The following FANCA variants were observed in gnomAD, a reference collection of about 807,000 sequenced individuals.
FANCA encodes FA complementation group A.
FANCA carries 236 observed loss-of-function variants against 194.3 expected under a neutral mutation model. The ratio of observed to expected loss-of-function variants is 1.21; its 90% CI spans 1.09 to 1.35. FANCA has a LOEUF of 1.35. Ranked by LOEUF, FANCA falls within the 40% of genes most tolerant of loss-of-function variation. The pLI is 0.00. For synonymous variants in FANCA, 1,014 were observed against 715.8 expected (o/e 1.42, Z -6.65); for missense variants, 2,628 against 1,813.9 (o/e 1.45, Z -8.15).
intron 26 of FANCA, 84 bp from the exon 27 acceptor site, chr16:89,767,321 T>A: frequency 1.0e-6 from 1 of 967,252 alleles, no homozygotes; most frequent in Non-Finnish European, 1.6e-6. Flanking sequence ...TTCATAAAAC[T>A]GAATTTAGTG....
At chr16:89,740,924 A>C in intron 37 of FANCA, 58 bp from the exon 38 acceptor site, 1 of 1,449,382 alleles carries the variant, frequency 6.9e-7, no homozygotes. Flanking sequence ...TGTCATTCTA[A>C]ATAAGGCTGA....
intron 29 of FANCA, among the ~76,000 whole-genome samples, chr16:89,761,404 G>C (rs979953281): frequency 1.7e-4 from 22 of 132,236 alleles, no homozygotes; most frequent in African/African-American, 5.8e-4. Flanking sequence ...GGGTGACAGA[G>C]CAAGACTCTG....
intron 7 of FANCA, among the ~76,000 whole-genome samples, chr16:89,804,894 G>A (rs569598079): frequency 5.9e-5 from 9 of 152,148 alleles, no homozygotes; most frequent in East Asian, 5.8e-4. Context: ...AAAATTAGCC[G>A]GGCATGGTGC....
chr16:89,759,936 T>TGGGTGCTCCACCCACGCTGTCCGGGACCG (rs2038894734), intron 29 of FANCA, among the ~76,000 whole-genome samples: 2 of 149,726 alleles, frequency 1.3e-5, no homozygotes, highest in African/African-American at 4.9e-5. Context: ...GTGCGGGACC[T>TGGGTGCTCCACCCACGCTGTCCGGGACCG]GGGTGCTCCA....
At chr16:89,801,859 G>T (rs933595598) in intron 8 of FANCA, among the ~76,000 whole-genome samples, 2 of 151,886 alleles carry the variant, frequency 1.3e-5, no homozygotes, top group African/African-American at 4.8e-5. Context: ...CTGCACTCTA[G>T]CCTGAGCAAC....
chr16:89,799,029 C>T (rs374042585), intron 10 of FANCA, 137 bp downstream of exon 10: 1,266 of 1,614,250 alleles, frequency 7.8e-4, no homozygotes, highest in Non-Finnish European at 9.8e-4. Flanking sequence ...TCCTCACGCA[C>T]GTTATCGTAA....
intron 11 of FANCA, among the ~76,000 whole-genome samples, chr16:89,795,041 T>G (rs2040196509): frequency 6.6e-6 from 1 of 152,168 alleles, no homozygotes; most frequent in African/African-American, 2.4e-5. Context: ...TCCCAGTATT[T>G]TGGGAGGCCG....
chr16:89,759,016 G>A (rs1462504509), intron 29 of FANCA, among the ~76,000 whole-genome samples: 1 of 152,066 alleles, frequency 6.6e-6, no homozygotes, highest in Non-Finnish European at 1.5e-5. Context: ...GAACAGAATA[G>A]GCAAGCACAA....
Position 89,791,480 on chromosome 16 carries a change from C to A in FANCA, c.1282G>T (p.Val428Phe), listed in dbSNP as rs1026686587. ...AFESCQLDSM[V>F]TAFLVVRQAA... ...TGGCGCACAACCAGGAACGCAGTGA[C>A]CATGCTGTCCAGCTGGCAGCTCTCG... The change falls in exon 14 of 43, where the codon GTC becomes TTC. Residue 428 changes from valine (V) to phenylalanine (F), a missense_variant. Physicochemically the swap from Val to Phe is conservative, Grantham distance 50. Transcript: ENST00000389301. 2 of 1,614,092 alleles carry A rather than the reference C, an allele frequency of 1.2e-6. No homozygotes were observed. Among genetic ancestry groups the A allele is most frequent in the Non-Finnish European group, 1.7e-6 (2 of 1,180,038 alleles).
rs774070218 is a variant in FANCA at position 89,808,254 on chromosome 16, C to G, written c.596+40G>C. On this transcript the variant is annotated intron_variant, in intron 6 of 42. Transcript: ENST00000389301. ...GAAATATAATTTATACTAGACTAGA[C>G]TGCAAAAACAGTAACACTGAATCAT... is the stretch of plus-strand genomic sequence containing the variant. 3 of 1,585,566 alleles carry G rather than the reference C, an allele frequency of 1.9e-6. No individual in the cohort carries two copies. In the South Asian group the frequency reaches 3.3e-5, roughly 18 times the overall value.
intron 39 of FANCA, 192 bp downstream of exon 39, chr16:89,739,802 T>TG: frequency 6.8e-7 from 1 of 1,465,966 alleles, no homozygotes; most frequent in South Asian, 1.4e-5. Context: ...CCATTGGTCC[T>TG]GGGGTTGACC....
At chr16:89,749,618 A>G (rs2038510461) in intron 32 of FANCA, 112 bp downstream of exon 32, 8 of 1,352,236 alleles carry the variant, frequency 5.9e-6, no homozygotes, top group Middle Eastern at 4.1e-4. Flanking sequence ...GTGGGGACAC[A>G]CAGACAAGTA....
chr16:89,804,306 C>G (rs1445178643), intron 7 of FANCA, among the ~76,000 whole-genome samples: 1 of 152,026 alleles, frequency 6.6e-6, no homozygotes, highest in Non-Finnish European at 1.5e-5. Context: ...TCCTCAGAAC[C>G]CAAATATCCC....
At chr16:89,802,670 T>C (rs1008925674) in intron 8 of FANCA, among the ~76,000 whole-genome samples, 7 of 152,162 alleles carry the variant, frequency 4.6e-5, no homozygotes, top group African/African-American at 1.7e-4. Context: ...CCCAAAGTGC[T>C]GGGATTACAG....
rs767438860 is a variant in FANCA, at chr16:89,738,007, C to T, written c.*594G>A. Reference sequence around the variant, plus strand: ...GGTCTGTGGGTTCCAGTGCAGGCAGCGGGCATCCCTCAAGTACCACATGAC... The same window carrying T: ...GGTCTGTGGGTTCCAGTGCAGGCAGTGGGCATCCCTCAAGTACCACATGAC... On this transcript the variant is annotated 3_prime_UTR_variant, in exon 43 of 43. Transcript: ENST00000389301. The T allele has an allele frequency of 5.6e-6, 9 of 1,614,154 alleles. No individual in the cohort carries two copies. The highest frequency in any genetic ancestry group is 2.2e-5 in the East Asian group (1 of 44,884).
chr16:89,785,262 C>G (rs60350230), intron 14 of FANCA, among the ~76,000 whole-genome samples: 144 of 152,238 alleles, frequency 9.5e-4, no homozygotes, highest in African/African-American at 3.2e-3. Flanking sequence ...AAAAGTTATT[C>G]GAAGAAAAAC....
chr16:89,774,269 T>C (rs988304219), intron 21 of FANCA, among the ~76,000 whole-genome samples: 1 of 152,074 alleles, frequency 6.6e-6, no homozygotes, highest in Non-Finnish European at 1.5e-5. Flanking sequence ...GACAAATGAT[T>C]AGAAACCATT....
At position 89,771,676 on chromosome 16, in the gene FANCA, A is replaced by G. The variant is rs937874201; in HGVS notation, c.2151+2T>C. The G allele has an allele frequency of 1.2e-6, 2 of 1,613,964 alleles. No individual in the cohort carries two copies. Among genetic ancestry groups the G allele is most frequent in the East Asian group, 4.5e-5 (2 of 44,882 alleles). ...TGCTTTGTTCTGAGCCCCTACACCT[A>G]CCATGTGTTCCCGTGGCTCCAGTCT... On this transcript the variant is annotated splice_donor_variant, in intron 23 of 42. Coordinates refer to ENST00000389301, the MANE Select transcript of FANCA (RefSeq NM_000135.4). LOFTEE classifies it high-confidence loss of function.
intron 8 of FANCA, among the ~76,000 whole-genome samples, chr16:89,803,037 G>A (rs1427435704): frequency 6.6e-6 from 1 of 152,204 alleles, no homozygotes; most frequent in Non-Finnish European, 1.5e-5. Flanking sequence ...ACTGCAACAT[G>A]TGAAATGTTG....
Sources: gnomAD v4.1 joint callset for allele counts (sites outside exome capture counted in the v4.1 genomes callset) on GRCh38, gnomAD v4.1.1 for gene constraint, MANE v1.5 for transcripts, NCBI Gene and HGNC (gene_info 2026-07-23, HGNC 2026-07-21) for gene names.